The following NADK2 variants were observed in gnomAD, a reference collection of about 807,000 sequenced individuals.
The protein encoded by NADK2 is NAD kinase 2, mitochondrial.
Under a neutral mutation model 62.1 loss-of-function variants are expected in NADK2, and 35 were observed. The ratio of observed to expected loss-of-function variants is 0.56; its 90% CI spans 0.43 to 0.75. The LOEUF is 0.75. NADK2 is among the 30% of genes least tolerant of loss of function. The probability of loss-of-function intolerance (pLI) is 0.00; values close to 1 mark genes in which losing one functional copy is unlikely to be tolerated. For missense variants in NADK2, 439 were observed against 561.3 expected, an observed-to-expected ratio of 0.78 and a Z score of 2.20; for synonymous variants, 205 against 207.9, an observed-to-expected ratio of 0.99 and a Z score of 0.12.
At chr5:36,209,416 C>T (rs1268955295) in intron 7 of NADK2, among the ~76,000 whole-genome samples, 1 of 152,106 alleles carries the variant, frequency 6.6e-6, no homozygotes, top group African/African-American at 2.4e-5. Context: ...TCAGCAGTTA[C>T]CTTTAAAATA....
intron 3 of NADK2, 38 bp from the exon 4 acceptor site, chr5:36,225,661 T>C: frequency 6.3e-7 from 1 of 1,579,350 alleles, no homozygotes; most frequent in Non-Finnish European, 8.6e-7. Context: ...CATAACCAAA[T>C]TTCTGTTATA....
chr5:36,227,598 A>AAT, intron 1 of NADK2, 33 bp from the exon 2 acceptor site: 2 of 1,220,162 alleles, frequency 1.6e-6, no homozygotes, highest in Non-Finnish European at 2.3e-6. Flanking sequence ...TTGTTTTACT[A>AAT]ATATATATTA....
chr5:36,229,391 CACTG>C (rs1353692451), intron 1 of NADK2, among the ~76,000 whole-genome samples: 3 of 152,146 alleles, frequency 2.0e-5, no homozygotes, highest in Non-Finnish European at 1.5e-5. Flanking sequence ...TAAAGGAAAG[CACTG>C]ACTATGATAA....
chr5:36,201,018 A>G, intron 9 of NADK2, 88 bp downstream of exon 9: 2 of 1,068,634 alleles, frequency 1.9e-6, no homozygotes, highest in Admixed American at 3.7e-5. Context: ...GTTTGGTAGT[A>G]TCCAAGGTTT....
chr5:36,225,582 T>G lies in NADK2; in HGVS notation c.520A>C (p.Arg174=), dbSNP rs765289722. 1.9e-6 allele frequency: 3 copies of G among 1,613,786 alleles called. No homozygotes were observed. The African/African-American group carries it at 4.0e-5, about 22-fold the overall frequency. The change falls in exon 4 of 12, where the codon AGA becomes CGA. Residue 174 remains arginine (R), a synonymous_variant. Coordinates refer to ENST00000381937, the MANE Select transcript of NADK2 (RefSeq NM_001085411.3). ...MLLAASKVLD[R]LKPVIGVNTD... ...TTTACCCCTATAACTGGTTTAAGTC[T>G]GTCCAAGACTTTACTCGCTGCCAGC...
intron 1 of NADK2, among the ~76,000 whole-genome samples, chr5:36,237,449 CT>C (rs1301949651): frequency 6.6e-6 from 1 of 152,132 alleles, no homozygotes; most frequent in African/African-American, 2.4e-5. Flanking sequence ...TAGGTTGCTT[CT>C]GGAAGAAAAC....
intron 1 of NADK2, among the ~76,000 whole-genome samples, chr5:36,232,569 T>C (rs968224694): frequency 2.5e-5 from 3 of 120,670 alleles, no homozygotes; most frequent in African/African-American, 7.4e-5. Context: ...TCAGACCTAG[T>C]GCACTGAACC....
chr5:36,210,011 T>A (rs920844896), intron 7 of NADK2, among the ~76,000 whole-genome samples: 25 of 152,130 alleles, frequency 1.6e-4, no homozygotes, highest in African/African-American at 6.0e-4. Flanking sequence ...TTAAGACAAA[T>A]TTTTCTCACT....
chr5:36,237,976 A>G (rs1284719174), intron 1 of NADK2, among the ~76,000 whole-genome samples: 1 of 152,168 alleles, frequency 6.6e-6, no homozygotes, highest in Non-Finnish European at 1.5e-5. Context: ...TGGAGTTCCA[A>G]GCAAAAGAGA....
chr5:36,209,956 C>T (rs116515749), intron 7 of NADK2, among the ~76,000 whole-genome samples: 1,868 of 152,256 alleles, frequency 0.012, 18 homozygotes, highest in African/African-American at 0.02. Flanking sequence ...TTTTTCGGCA[C>T]AACCCGAGTT....
At chr5:36,211,751 T>G (rs187864313) in intron 7 of NADK2, 93 bp downstream of exon 7, 4 of 1,054,518 alleles carry the variant, frequency 3.8e-6, no homozygotes, top group Non-Finnish European at 5.7e-6. Context: ...AAAATATTAT[T>G]CACAAATCTT....
intron 5 of NADK2, 53 bp downstream of exon 5, chr5:36,219,543 T>C: frequency 6.8e-7 from 1 of 1,460,826 alleles, no homozygotes; most frequent in South Asian, 1.1e-5. Context: ...GCATTATTAA[T>C]GGCACATACT....
At position 36,241,495 on chromosome 5, in the gene NADK2, C is replaced by A; in HGVS notation, c.300+4G>T. On this transcript the variant is annotated splice_donor_region_variant and intron_variant, in intron 1 of 11. Transcript: ENST00000381937. This position sits in a 1 kb window ranked among gnomAD's most constrained non-coding sequence, Gnocchi z 4.9. ...GAGCGAAGCGGGGCCGAGCCAGGAC[C>A]CACCAGCTGCTTCAGGTCCTCCTCC... is the stretch of plus-strand genomic sequence containing the variant. The A allele has an allele frequency of 6.5e-7, 1 of 1,545,030 alleles. No individual in the cohort carries two copies.
intron 9 of NADK2, among the ~76,000 whole-genome samples, chr5:36,200,681 T>G (rs747861716): frequency 1.1e-4 from 17 of 152,050 alleles, no homozygotes; most frequent in Non-Finnish European, 5.9e-5. Context: ...GTCATCCTTT[T>G]GTCCAGCTTA....
chr5:36,227,830 T>A (rs546517330), intron 1 of NADK2, among the ~76,000 whole-genome samples: 1 of 151,750 alleles, frequency 6.6e-6, no homozygotes, highest in East Asian at 2.0e-4. Flanking sequence ...AGCTTAAGTT[T>A]TTTATTTTTT....
At chr5:36,235,543 C>G (rs1288836306) in intron 1 of NADK2, among the ~76,000 whole-genome samples, 3 of 152,174 alleles carry the variant, frequency 2.0e-5, no homozygotes, top group African/African-American at 7.2e-5. Context: ...ACAAAGACAT[C>G]AGATTGTGCT....
At chr5:36,225,903 CCA>C in intron 3 of NADK2, among the ~76,000 whole-genome samples, 1 of 152,162 alleles carries the variant, frequency 6.6e-6, no homozygotes, top group Admixed American at 6.5e-5. Context: ...TAGTAGCACC[CCA>C]CAGTTAGTAA....
intron 2 of NADK2, among the ~76,000 whole-genome samples, chr5:36,226,791 A>C (rs1348289377): frequency 6.6e-6 from 1 of 152,186 alleles, no homozygotes; most frequent in East Asian, 1.9e-4. Context: ...GTTATATCCC[A>C]AATCTCCATG....
At chr5:36,208,483 G>T in intron 7 of NADK2, 2 of 615,058 alleles carry the variant, frequency 3.3e-6, no homozygotes, top group Non-Finnish European at 5.7e-6. Flanking sequence ...AGAAAGACAA[G>T]TACAGTCAGG....
Sources: gnomAD v4.1 joint callset for allele counts (sites outside exome capture counted in the v4.1 genomes callset) on GRCh38, gnomAD v4.1.1 for gene constraint, Gnocchi (gnomAD v3.1) non-coding constraint, MANE v1.5 for transcripts, NCBI Gene and HGNC (gene_info 2026-07-23, HGNC 2026-07-21) for gene names.